CAMTA1: variants seen among roughly 807,000 people sequenced by gnomAD.
The protein encoded by CAMTA1 is calmodulin binding transcription activator 1, also known as calmodulin-binding transcription activator 1.
A neutral mutation model predicts 170.9 loss-of-function variants in CAMTA1; 27 were observed. That is an observed-to-expected ratio of 0.16 (90% CI 0.12 to 0.22). CAMTA1 has a LOEUF of 0.22. Ranked by LOEUF, CAMTA1 falls within the 10% of genes least tolerant of loss-of-function variation. CAMTA1 has a pLI of 1.00. For synonymous variants in CAMTA1, 833 were observed against 891.5 expected (o/e 0.93, Z 1.17); for missense variants, 1,619 against 2,217.2 (o/e 0.73, Z 5.42).
chr1:6,862,237 T>C (rs550847131), intron 3 of CAMTA1, among the ~76,000 whole-genome samples: 14 of 152,360 alleles, frequency 9.2e-5, no homozygotes, highest in Non-Finnish European at 1.9e-4. Context: ...CCTCCCAAAG[T>C]GCTAGGATTG....
chr1:7,255,570 C>T (rs1667246123), intron 5 of CAMTA1, among the ~76,000 whole-genome samples: 2 of 152,180 alleles, frequency 1.3e-5, no homozygotes, highest in Non-Finnish European at 1.5e-5. Flanking sequence ...CCTACATTGC[C>T]GTTGCTTTCC....
intron 3 of CAMTA1, among the ~76,000 whole-genome samples, chr1:6,936,030 G>A (rs1273781316): frequency 6.6e-6 from 1 of 152,186 alleles, no homozygotes; most frequent in Non-Finnish European, 1.5e-5. Context: ...GAGCCTGGAG[G>A]ATGGCCTCAG....
chr1:6,971,581 G>T lies in CAMTA1; in HGVS notation c.235-119723G>T, dbSNP rs1293425429. The stretch of plus-strand genomic sequence containing the variant: ...TGGGTAAGTCTCTAACCGAAAACTA[G>T]ATCCACAGGCAGGCCTTTTATTAAA... On this transcript the variant is annotated intron_variant, in intron 3 of 22. Transcript: ENST00000303635. The surrounding 1 kb of genome is among the most constrained non-coding windows in gnomAD (Gnocchi z 4.6). Among the ~76,000 whole-genome samples, 2 of 152,090 alleles carry T rather than the reference G, an allele frequency of 1.3e-5. No individual in the cohort carries two copies. Among genetic ancestry groups the T allele is most frequent in the Non-Finnish European group, 2.9e-5 (2 of 68,018 alleles).
At chr1:7,090,891 T>C (rs753494327) in intron 3 of CAMTA1, among the ~76,000 whole-genome samples, 1 of 152,208 alleles carries the variant, frequency 6.6e-6, no homozygotes. Flanking sequence ...ACGTCTCTTG[T>C]GACAGAGATG....
At chr1:7,352,338 C>T (rs1357090426) in intron 5 of CAMTA1, among the ~76,000 whole-genome samples, 1 of 152,170 alleles carries the variant, frequency 6.6e-6, no homozygotes, top group African/African-American at 2.4e-5. Context: ...GACAAAAATG[C>T]ATCTGAGTGC....
chr1:7,024,062 G>C (rs1178580195), intron 3 of CAMTA1, among the ~76,000 whole-genome samples: 2 of 146,744 alleles, frequency 1.4e-5, no homozygotes, highest in Admixed American at 6.8e-5. Flanking sequence ...AAGAAAGAAA[G>C]AAACAAATAG....
At chr1:7,533,932 G>T (rs2094520393) in intron 6 of CAMTA1, among the ~76,000 whole-genome samples, 1 of 151,568 alleles carries the variant, frequency 6.6e-6, no homozygotes, top group Admixed American at 6.6e-5. Context: ...AAAATGAAAA[G>T]AAAAAAAGAA....
chr1:7,257,082 C>CG lies in CAMTA1; in HGVS notation c.438+7461dup, dbSNP rs553425649. Among the ~76,000 whole-genome samples, 69 of 137,440 alleles carry CG rather than the reference C, an allele frequency of 5.0e-4. 1 individual carries two copies. Among genetic ancestry groups the CG allele is most frequent in the African/African-American group, 1.8e-3 (58 of 33,070 alleles). 90.2% of individuals were successfully genotyped at this position (137,440 alleles called of 152,430 possible). A position where few individuals can be genotyped will look rare whatever the true frequency, so the allele number is the denominator to read the frequency against. On this transcript the variant is annotated intron_variant, in intron 5 of 22. Transcript: ENST00000303635. ...TCCACATACCATCGCATGGCGGGGGCGGGGGTTGGTTTTCATCATATACAT... is the reference window on the plus strand; with the variant it reads ...TCCACATACCATCGCATGGCGGGGGCGGGGGGTTGGTTTTCATCATATACAT...
intron 3 of CAMTA1, among the ~76,000 whole-genome samples, chr1:7,011,356 C>G (rs926887824): frequency 6.6e-6 from 1 of 152,122 alleles, no homozygotes; most frequent in Non-Finnish European, 1.5e-5. Flanking sequence ...TGGATTGTAA[C>G]TACTTTAAAA....
chr1:6,847,763 G>T (rs1434596333), intron 3 of CAMTA1, among the ~76,000 whole-genome samples: 2 of 151,338 alleles, frequency 1.3e-5, no homozygotes, highest in African/African-American at 4.9e-5. Flanking sequence ...GAGTACAGTG[G>T]CGGGATCTCT....
intron 6 of CAMTA1, among the ~76,000 whole-genome samples, chr1:7,480,565 G>A (rs2093513702): frequency 6.6e-6 from 1 of 151,998 alleles, no homozygotes; most frequent in Admixed American, 6.5e-5. Flanking sequence ...ATACCAGAAG[G>A]TCACTGTGCC....
chr1:7,543,873 G>A (rs971591947), intron 6 of CAMTA1, among the ~76,000 whole-genome samples: 1 of 151,436 alleles, frequency 6.6e-6, no homozygotes, highest in Non-Finnish European at 1.5e-5. Context: ...AAGGGTTAAA[G>A]CAACAGCTCT....
intron 1 of CAMTA1, among the ~76,000 whole-genome samples, chr1:6,792,904 A>G (rs912394144): frequency 6.6e-6 from 1 of 152,124 alleles, no homozygotes; most frequent in Non-Finnish European, 1.5e-5. Context: ...GTACAAAGTG[A>G]CATTTCTTGA....
At chr1:6,983,190 T>G (rs1384946599) in intron 3 of CAMTA1, among the ~76,000 whole-genome samples, 1 of 152,116 alleles carries the variant, frequency 6.6e-6, no homozygotes, top group Non-Finnish European at 1.5e-5. Flanking sequence ...AATCTAAGAG[T>G]ATGTGCGGGG....
At chr1:7,626,089 T>G (rs539307483) in intron 6 of CAMTA1, among the ~76,000 whole-genome samples, 1 of 152,340 alleles carries the variant, frequency 6.6e-6, no homozygotes, top group African/African-American at 2.4e-5. Flanking sequence ...CTTCAGTGAT[T>G]ACACGTTATC....
At chr1:7,078,325 T>G (rs556262840) in intron 3 of CAMTA1, among the ~76,000 whole-genome samples, 1 of 152,350 alleles carries the variant, frequency 6.6e-6, no homozygotes, top group African/African-American at 2.4e-5. Context: ...ATTCTTGAAC[T>G]GAACCTTCAG....
intron 3 of CAMTA1, among the ~76,000 whole-genome samples, chr1:6,982,123 G>A (rs1030946563): frequency 2.0e-5 from 3 of 152,156 alleles, no homozygotes; most frequent in African/African-American, 7.2e-5. Context: ...GTTAGGAAGC[G>A]GGCCTTCTTG....
intron 5 of CAMTA1, among the ~76,000 whole-genome samples, chr1:7,361,050 G>A (rs1308775025): frequency 6.6e-6 from 1 of 152,208 alleles, no homozygotes; most frequent in Non-Finnish European, 1.5e-5. Flanking sequence ...TCTTCCTTGG[G>A]AAGGGAGAGG....
At chr1:7,659,273 G>T (rs1027807431) in intron 7 of CAMTA1, among the ~76,000 whole-genome samples, 1 of 152,130 alleles carries the variant, frequency 6.6e-6, no homozygotes, top group African/African-American at 2.4e-5. Flanking sequence ...GGTGGCTCAC[G>T]CCTGTAATCC....
Sources: allele counts gnomAD v4.1 joint callset (sites outside exome capture counted in the v4.1 genomes callset), GRCh38; gene constraint gnomAD v4.1.1; non-coding constraint Gnocchi (gnomAD v3.1); transcripts MANE v1.5; gene names NCBI Gene and HGNC (gene_info 2026-07-23, HGNC 2026-07-21).